The following PTPRN2 variants were observed in gnomAD, a reference collection of about 807,000 sequenced individuals.
The protein encoded by PTPRN2 is receptor-type tyrosine-protein phosphatase N2.
PTPRN2 carries 74 observed loss-of-function variants against 118.8 expected under a neutral mutation model. That is an observed-to-expected ratio of 0.62 (90% CI 0.52 to 0.76). The LOEUF (loss-of-function observed/expected upper bound fraction) is 0.76. Ranked by LOEUF, PTPRN2 falls within the 30% of genes least tolerant of loss-of-function variation. The pLI, the probability that PTPRN2 is intolerant of heterozygous loss-of-function variation, is 0.00. For synonymous variants in PTPRN2, 641 were observed against 608.0 expected (o/e 1.05, Z -0.80); for missense variants, 1,481 against 1,394.4 (o/e 1.06, Z -0.99).
At chr7:157,645,180 C>T (rs375231600) in intron 14 of PTPRN2, among the ~76,000 whole-genome samples, 18 of 152,324 alleles carry the variant, frequency 1.2e-4, no homozygotes, top group Middle Eastern at 6.8e-3. Context: ...GGCAGGCTTT[C>T]GAGGCTGCTG....
chr7:158,210,960 C>T (rs1486223277), intron 3 of PTPRN2, among the ~76,000 whole-genome samples: 1 of 152,088 alleles, frequency 6.6e-6, no homozygotes, highest in Non-Finnish European at 1.5e-5. Flanking sequence ...TTCCATTAAG[C>T]CAGTATTACC....
Position 157,785,434 on chromosome 7 carries a change from G to A in PTPRN2, c.1789-102497C>T, listed in dbSNP as rs77002691. 0.027 allele frequency among the ~76,000 whole-genome samples: 4,185 copies of A among 152,298 alleles called. 229 individuals are homozygous for A. Among genetic ancestry groups the A allele is most frequent in the African/African-American group, 0.095 (3,932 of 41,566 alleles). ...TGGTGGAAAAGGCCTTGGAGCCTGG[G>A]GCAGGGCTCAGAGGGGCCCCAGGCC... On this transcript the variant is annotated intron_variant, in intron 12 of 22. Coordinates refer to ENST00000389418, the MANE Select transcript of PTPRN2 (RefSeq NM_002847.5). The surrounding 1 kb of genome is among the most constrained non-coding windows in gnomAD (Gnocchi z 7.3).
At chr7:157,637,501 G>T (rs1400705966) in intron 14 of PTPRN2, among the ~76,000 whole-genome samples, 3 of 152,140 alleles carry the variant, frequency 2.0e-5, no homozygotes, top group Admixed American at 2.0e-4. Context: ...CCCTTCAAAA[G>T]CCGTTTCGTA....
chr7:158,357,849 G>A lies in PTPRN2; in HGVS notation c.164-40917C>T, dbSNP rs541134740. ...CAGTGGCGGCTCTCAGAACCCAGCC[G>A]CCAGCCCTCAACTCTGGCTCACCGT... On this transcript the variant is annotated intron_variant, in intron 2 of 22. Coordinates refer to ENST00000389418, the MANE Select transcript of PTPRN2 (RefSeq NM_002847.5). Among the ~76,000 whole-genome samples the A allele has an allele frequency of 2.0e-3, 306 of 152,282 alleles. 1 individual carries two copies. Among genetic ancestry groups the A allele is most frequent in the Middle Eastern group, 6.8e-3 (2 of 294 alleles).
intron 10 of PTPRN2, among the ~76,000 whole-genome samples, chr7:158,092,228 A>ATG (rs1814243989): frequency 1.3e-5 from 2 of 150,600 alleles, no homozygotes; most frequent in Non-Finnish European, 3.0e-5. Context: ...ACACACATAT[A>ATG]TGTATATATA....
At chr7:157,909,587 C>A (rs73165895) in intron 11 of PTPRN2, among the ~76,000 whole-genome samples, 1,944 of 152,358 alleles carry the variant, frequency 0.013, 17 homozygotes, top group Non-Finnish European at 0.02. Flanking sequence ...CGGGACGCCC[C>A]GGCCAGCTCC....
intron 12 of PTPRN2, among the ~76,000 whole-genome samples, chr7:157,760,178 C>T (rs1414908090): frequency 1.3e-5 from 2 of 152,170 alleles, no homozygotes; most frequent in Admixed American, 1.3e-4. Context: ...CAAACATCCC[C>T]CACGTGGTGA....
At chr7:157,927,740 G>A (rs1222508957) in intron 11 of PTPRN2, among the ~76,000 whole-genome samples, 2 of 151,986 alleles carry the variant, frequency 1.3e-5, no homozygotes, top group Non-Finnish European at 2.9e-5. Flanking sequence ...TTTTATTAAA[G>A]CACAGGTGCT....
chr7:158,234,360 C>T (rs1829378954), intron 3 of PTPRN2, among the ~76,000 whole-genome samples: 1 of 148,966 alleles, frequency 6.7e-6, no homozygotes, highest in African/African-American at 2.5e-5. Context: ...CCAACAGGTA[C>T]AGTCATCAAA....
chr7:158,272,044 G>C (rs1252144161), intron 3 of PTPRN2, among the ~76,000 whole-genome samples: 1 of 152,228 alleles, frequency 6.6e-6, no homozygotes, highest in East Asian at 1.9e-4. Context: ...ACCATCAAAA[G>C]ACGGTCAGGT....
intron 12 of PTPRN2, among the ~76,000 whole-genome samples, chr7:157,885,140 C>A (rs1009749231): frequency 1.3e-5 from 2 of 152,158 alleles, no homozygotes; most frequent in African/African-American, 4.8e-5. Context: ...CTGGCTCAAG[C>A]AAAAGGGGTA....
intron 3 of PTPRN2, among the ~76,000 whole-genome samples, chr7:158,249,071 TACACCACAC>T (rs1487613773): frequency 2.8e-5 from 4 of 142,648 alleles, no homozygotes; most frequent in Admixed American, 1.4e-4. Flanking sequence ...ATCACACACA[TACACCACAC>T]ACACCACACA....
chr7:158,547,346 A>G (rs575740883), intron 1 of PTPRN2, among the ~76,000 whole-genome samples: 3 of 148,826 alleles, frequency 2.0e-5, no homozygotes, highest in Admixed American at 6.7e-5. Context: ...GGCACCCCCA[A>G]TCCTATGCTG....
intron 12 of PTPRN2, among the ~76,000 whole-genome samples, chr7:157,718,676 T>G (rs1799061233): frequency 6.6e-6 from 1 of 151,828 alleles, no homozygotes; most frequent in Non-Finnish European, 1.5e-5. Context: ...GCGGTGACAC[T>G]GCAGCCACTC....
Position 158,050,556 on chromosome 7 carries a change from C to T in PTPRN2, c.1723+30742G>A, listed in dbSNP as rs540254118. Among the ~76,000 whole-genome samples, 3 of 152,352 alleles carry T rather than the reference C, an allele frequency of 2.0e-5. No individual in the cohort carries two copies. The East Asian group carries it at 5.8e-4, about 29-fold the overall frequency. ...GAGCTTCCCCAAGATGCAGGAGCCA[C>T]CCAGCTTGCATCCCACAGCCTCCCG... On this transcript the variant is annotated intron_variant, in intron 11 of 22. Transcript: ENST00000389418.
chr7:158,456,760 A>T (rs1818539930), intron 2 of PTPRN2, among the ~76,000 whole-genome samples: 1 of 152,214 alleles, frequency 6.6e-6, no homozygotes, highest in Non-Finnish European at 1.5e-5. Context: ...TCTCTAGCAA[A>T]TGAGGACTTA....
chr7:158,313,890 T>A (rs1451427413), intron 3 of PTPRN2, among the ~76,000 whole-genome samples: 1 of 152,216 alleles, frequency 6.6e-6, no homozygotes, highest in African/African-American at 2.4e-5. Context: ...GGCCACTAGA[T>A]ATTTTTCTAT....
chr7:157,615,739 G>T lies in PTPRN2; in HGVS notation c.2344+5623C>A. The T allele has an allele frequency of 2.5e-6, 1 of 393,944 alleles. No homozygotes were observed. 24.4% of individuals were successfully genotyped at this position (393,944 alleles called of 1,614,324 possible). On this transcript the variant is annotated intron_variant, in intron 15 of 22. Transcript: ENST00000389418. This position sits in a 1 kb window ranked among gnomAD's most constrained non-coding sequence, Gnocchi z 4.3. ...TGACGCAGTGACTCAGGAACCACAA[G>T]CTCTGGAGGCTGAACGAGAATCGGT...
At chr7:158,131,207 T>A (rs1432457613) in intron 9 of PTPRN2, among the ~76,000 whole-genome samples, 1 of 148,584 alleles carries the variant, frequency 6.7e-6, no homozygotes, top group Non-Finnish European at 1.5e-5. Flanking sequence ...CACACTCATA[T>A]ACACACACGT....
Sources: allele counts gnomAD v4.1 joint callset (sites outside exome capture counted in the v4.1 genomes callset), GRCh38; gene constraint gnomAD v4.1.1; non-coding constraint Gnocchi (gnomAD v3.1); transcripts MANE v1.5; gene names NCBI Gene and HGNC (gene_info 2026-07-23, HGNC 2026-07-21).